The following ST6GALNAC3 variants were observed in gnomAD, a reference collection of about 807,000 sequenced individuals.
The protein encoded by ST6GALNAC3 is alpha-N-acetylgalactosaminide alpha-2,6-sialyltransferase 3.
ST6GALNAC3 carries 25 observed loss-of-function variants against 32.7 expected under a neutral mutation model. The ratio of observed to expected loss-of-function variants is 0.76; its 90% CI spans 0.56 to 1.07. The LOEUF (loss-of-function observed/expected upper bound fraction) is 1.07. ST6GALNAC3 is among the 50% of genes least tolerant of loss of function. ST6GALNAC3 has a pLI of 0.00. For synonymous variants in ST6GALNAC3, 129 were observed against 133.1 expected, an observed-to-expected ratio of 0.97 and a Z score of 0.21; for missense variants, 355 against 382.4, an observed-to-expected ratio of 0.93 and a Z score of 0.60.
chr1:76,490,462 A>G (rs1266206511), intron 3 of ST6GALNAC3, among the ~76,000 whole-genome samples: 1 of 148,916 alleles, frequency 6.7e-6, no homozygotes, highest in Non-Finnish European at 1.5e-5. Context: ...TATATATTAT[A>G]TATAAGTTAT....
intron 3 of ST6GALNAC3, among the ~76,000 whole-genome samples, chr1:76,523,868 G>C (rs1662703388): frequency 6.6e-6 from 1 of 151,994 alleles, no homozygotes; most frequent in Admixed American, 6.6e-5. Flanking sequence ...AATGTCTAAT[G>C]GTTTCTGTGT....
chr1:76,159,192 T>C (rs913014266), intron 1 of ST6GALNAC3, among the ~76,000 whole-genome samples: 2 of 148,090 alleles, frequency 1.4e-5, no homozygotes, highest in African/African-American at 4.9e-5. Flanking sequence ...CTTTTCTCTT[T>C]TCTTTTCTTT....
chr1:76,609,241 TTA>T (rs1647764260), intron 3 of ST6GALNAC3, among the ~76,000 whole-genome samples: 1 of 152,238 alleles, frequency 6.6e-6, no homozygotes, highest in Non-Finnish European at 1.5e-5. Context: ...CATTAACATT[TTA>T]TGTCTTAATT....
At chr1:76,264,730 C>CT (rs1658431771) in intron 1 of ST6GALNAC3, among the ~76,000 whole-genome samples, 1 of 152,074 alleles carries the variant, frequency 6.6e-6, no homozygotes, top group South Asian at 2.1e-4. Flanking sequence ...TTTCAAAGCT[C>CT]TTTCATACTT....
At chr1:76,595,970 GT>G (rs1647130590) in intron 3 of ST6GALNAC3, among the ~76,000 whole-genome samples, 1 of 144,824 alleles carries the variant, frequency 6.9e-6, no homozygotes. Context: ...CAGTGACTGA[GT>G]TTTACTCAGG....
chr1:76,584,191 G>C (rs1646929575), intron 3 of ST6GALNAC3, among the ~76,000 whole-genome samples: 1 of 152,188 alleles, frequency 6.6e-6, no homozygotes, highest in Admixed American at 6.5e-5. Flanking sequence ...GTAAATGGTG[G>C]AGCTGGGATC....
intron 3 of ST6GALNAC3, among the ~76,000 whole-genome samples, chr1:76,524,878 A>G (rs781052921): frequency 6.6e-6 from 1 of 151,976 alleles, no homozygotes; most frequent in Non-Finnish European, 1.5e-5. Context: ...TAGTTGAAGA[A>G]ATATATAAAA....
intron 2 of ST6GALNAC3, among the ~76,000 whole-genome samples, chr1:76,355,684 C>T (rs191288327): frequency 1.1e-4 from 17 of 152,330 alleles, no homozygotes; most frequent in Admixed American, 9.8e-4. Flanking sequence ...ATTTCATGAT[C>T]ACAGCTGAGG....
At chr1:76,485,772 A>C (rs7519489) in intron 3 of ST6GALNAC3, among the ~76,000 whole-genome samples, 18,002 of 149,332 alleles carry the variant, frequency 0.12, 893 homozygotes, top group African/African-American at 0.23. Context: ...CTAGCTTTTG[A>C]ATGTGTTTGC....
intron 1 of ST6GALNAC3, among the ~76,000 whole-genome samples, chr1:76,128,809 G>A (rs1289211158): frequency 6.6e-6 from 1 of 152,238 alleles, no homozygotes; most frequent in African/African-American, 2.4e-5. Context: ...AGCCCCAGGT[G>A]CTGGGATTTA....
At chr1:76,105,109 C>T (rs565579314) in intron 1 of ST6GALNAC3, among the ~76,000 whole-genome samples, 2 of 152,290 alleles carry the variant, frequency 1.3e-5, no homozygotes, top group South Asian at 4.1e-4. Context: ...CTCATCTATC[C>T]ACCTTACATT....
At chr1:76,183,120 G>C (rs1653296382) in intron 1 of ST6GALNAC3, among the ~76,000 whole-genome samples, 1 of 152,140 alleles carries the variant, frequency 6.6e-6, no homozygotes, top group Non-Finnish European at 1.5e-5. Context: ...TGACAATGAA[G>C]TAGTAGTTAC....
chr1:76,234,247 G>A (rs903681321), intron 1 of ST6GALNAC3, among the ~76,000 whole-genome samples: 3 of 152,006 alleles, frequency 2.0e-5, no homozygotes, highest in African/African-American at 7.2e-5. Flanking sequence ...ACCCTCCCCC[G>A]GTAGTGGCCT....
At chr1:76,295,517 A>G (rs1557762414) in intron 1 of ST6GALNAC3, among the ~76,000 whole-genome samples, 1 of 152,102 alleles carries the variant, frequency 6.6e-6, no homozygotes, top group South Asian at 2.1e-4. Context: ...AATAAAATCG[A>G]CATTTATTGA....
chr1:76,160,892 ATCT>A (rs78226926), intron 1 of ST6GALNAC3, among the ~76,000 whole-genome samples: 82,996 of 151,868 alleles, frequency 0.55, 24,458 homozygotes, highest in East Asian at 0.87. Context: ...TACTTCAAAT[ATCT>A]TCTTCTCTAC....
In ST6GALNAC3 at chr1:76,176,487, G is replaced by A. The variant is rs77961153; in HGVS notation, c.18+101603G>A. 2.9e-3 allele frequency among the ~76,000 whole-genome samples: 445 copies of A among 152,282 alleles called. 3 individuals carry two copies. Among genetic ancestry groups the A allele is most frequent in the Non-Finnish European group, 5.5e-3 (375 of 68,020 alleles). ...AAAACAATTCTAATCCTAATTGATGGTAGAAACTGATTCGGAGACTCAGTA... is the reference window on the plus strand; with the variant it reads ...AAAACAATTCTAATCCTAATTGATGATAGAAACTGATTCGGAGACTCAGTA... On this transcript the variant is annotated intron_variant, in intron 1 of 4. Transcript: ENST00000328299.
chr1:76,628,660 C>A lies in ST6GALNAC3; in HGVS notation c.772C>A (p.Gln258Lys), dbSNP rs1462453945. ...YRKVPYHYYE[Q>K]GRDECDEYFL... Reference sequence around the variant, plus strand: ...AAAAGTCCCCTACCATTATTATGAACAAGGAAGAGATGAGTGTGATGAATA... The same window carrying A: ...AAAAGTCCCCTACCATTATTATGAAAAAGGAAGAGATGAGTGTGATGAATA... The change falls in exon 5 of 5, where the codon CAA (glutamine) becomes AAA (lysine). Residue 258 changes from glutamine (Q) to lysine (K), a missense_variant. Gln to Lys is a moderately conservative substitution (Grantham distance 53). Transcript: ENST00000328299. The A allele has an allele frequency of 1.1e-5, 18 of 1,611,038 alleles. No individual in the cohort carries two copies. Among genetic ancestry groups the A allele is most frequent in the Non-Finnish European group, 1.4e-5 (17 of 1,178,712 alleles).
chr1:76,229,378 C>A (rs1163466106), intron 1 of ST6GALNAC3, among the ~76,000 whole-genome samples: 2 of 152,172 alleles, frequency 1.3e-5, no homozygotes, highest in African/African-American at 4.8e-5. Context: ...AGACAGGATG[C>A]CCCACTTCCT....
chr1:76,280,789 CCTTTT>C (rs1314258491), intron 1 of ST6GALNAC3, among the ~76,000 whole-genome samples: 3 of 152,160 alleles, frequency 2.0e-5, no homozygotes, highest in Non-Finnish European at 4.4e-5. Context: ...TCTACTTGAA[CCTTTT>C]CTTTTCTATA....
Sources: allele counts gnomAD v4.1 joint callset (sites outside exome capture counted in the v4.1 genomes callset), GRCh38; gene constraint gnomAD v4.1.1; transcripts MANE v1.5; gene names NCBI Gene and HGNC (gene_info 2026-07-23, HGNC 2026-07-21).